SLC9A3: variants seen among roughly 807,000 people sequenced by gnomAD.
The protein encoded by SLC9A3 is solute carrier family 9 member A3.
A neutral mutation model predicts 86.8 loss-of-function variants in SLC9A3; 37 were observed. The ratio of observed to expected loss-of-function variants is 0.43; its 90% CI spans 0.33 to 0.56. The LOEUF (loss-of-function observed/expected upper bound fraction) is 0.56, where lower values mean the gene tolerates loss of function less well. Ranked by LOEUF, SLC9A3 falls within the 20% of genes least tolerant of loss-of-function variation. The pLI, the probability that SLC9A3 is intolerant of heterozygous loss-of-function variation, is 0.06. For missense variants in SLC9A3, 1,011 were observed against 1,171.9 expected (o/e 0.86, Z 2.00); for synonymous variants, 581 against 528.3 (o/e 1.10, Z -1.37).
intron 1 of SLC9A3, among the ~76,000 whole-genome samples, chr5:515,349 A>C (rs60425043): frequency 0.26 from 39,445 of 151,492 alleles, 5,298 homozygotes; most frequent in Middle Eastern, 0.29. Context: ...CGGTGCACAC[A>C]CGGGAACCCC....
rs1286939034 is a variant in SLC9A3, at chr5:476,286, C to A, written c.1983G>T (p.Leu661=). The change falls in exon 13 of 17, where the codon CTG becomes CTT. Residue 661 remains leucine, a synonymous_variant. Coordinates refer to ENST00000264938, the MANE Select transcript of SLC9A3 (RefSeq NM_004174.4). ...CCAGCTTGGTCGACTTGAAGGACTCCAGGCGCTTCCGCATGGTCCTGTGGA... is the reference window on the plus strand; with the variant it reads ...CCAGCTTGGTCGACTTGAAGGACTCAAGGCGCTTCCGCATGGTCCTGTGGA... ...EIFHRTMRKR[L]ESFKSTKLGL... The A allele has an allele frequency of 3.7e-6, 6 of 1,613,908 alleles. No individual in the cohort carries two copies. The South Asian group carries it at 5.5e-5, about 15-fold the overall frequency.
intron 14 of SLC9A3, 48 bp downstream of exon 14, chr5:475,972 G>A: frequency 6.7e-7 from 1 of 1,492,736 alleles, no homozygotes; most frequent in Non-Finnish European, 9.1e-7. Flanking sequence ...CTGGGGCTGG[G>A]AGGTGGTGGC....
intron 1 of SLC9A3, among the ~76,000 whole-genome samples, chr5:502,567 T>A (rs1459077107): frequency 6.6e-6 from 1 of 152,036 alleles, no homozygotes; most frequent in Non-Finnish European, 1.5e-5. Flanking sequence ...CCAGCTCAAA[T>A]CAGAGGAGAA....
chr5:486,047 G>A (rs770072387), intron 3 of SLC9A3, among the ~76,000 whole-genome samples: 4 of 152,204 alleles, frequency 2.6e-5, no homozygotes, highest in Non-Finnish European at 5.9e-5. Context: ...AAATTCCCCC[G>A]AGAATATCTT....
chr5:515,292 C>T (rs1733694145), intron 1 of SLC9A3, among the ~76,000 whole-genome samples: 1 of 152,178 alleles, frequency 6.6e-6, no homozygotes, highest in Admixed American at 6.5e-5. Context: ...CCCACAGCCC[C>T]TCCTGCTCTG....
intron 1 of SLC9A3, among the ~76,000 whole-genome samples, chr5:511,283 T>C (rs1454778103): frequency 1.3e-5 from 2 of 152,224 alleles, no homozygotes; most frequent in East Asian, 3.8e-4. Context: ...GGTTTGGTGA[T>C]GAATTTTTAG....
Position 473,035 on chromosome 5 carries a change from T to C in SLC9A3, c.*344A>G. 2.5e-6 allele frequency: 1 copy of C among 396,600 alleles called. No individual in the cohort carries two copies. The highest frequency in any genetic ancestry group is 4.5e-6 in the Non-Finnish European group (1 of 223,158). 24.6% of individuals were successfully genotyped at this position (396,600 alleles called of 1,614,324 possible). A position where few individuals can be genotyped will look rare whatever the true frequency, so the allele number is the denominator to read the frequency against. On this transcript the variant is annotated 3_prime_UTR_variant, in exon 17 of 17. Coordinates refer to ENST00000264938, the MANE Select transcript of SLC9A3 (RefSeq NM_004174.4). ...CACGAGGGCGGCAGCGACGCCAGCTTCAGCAGCGCGGGGCGGCGGCGCGCG... is the reference window on the plus strand; with the variant it reads ...CACGAGGGCGGCAGCGACGCCAGCTCCAGCAGCGCGGGGCGGCGGCGCGCG...
At chr5:500,036 G>A (rs532291632) in intron 1 of SLC9A3, among the ~76,000 whole-genome samples, 2 of 152,266 alleles carry the variant, frequency 1.3e-5, no homozygotes, top group Admixed American at 6.5e-5. Context: ...TGGCTGGGAC[G>A]CAACAGGCAG....
Position 482,507 on chromosome 5 carries a change from G to C in SLC9A3, c.1356+41C>G, listed in dbSNP as rs772884304. On this transcript the variant is annotated intron_variant, in intron 7 of 16. Transcript: ENST00000264938. ...AGTGCGGGCCCAGGCTCCCCTCGCG[G>C]GCGGGGCCGAGACCCCAGGGCTGGC... 4 of 1,528,824 alleles carry C rather than the reference G, an allele frequency of 2.6e-6. No individual in the cohort carries two copies. In the Admixed American group the frequency reaches 5.2e-5, roughly 20 times the overall value. The allele number at this position is 1,528,824 out of a possible 1,614,324, so 94.7% of individuals were successfully genotyped here.
At chr5:494,488 G>C (rs765152732) in intron 1 of SLC9A3, among the ~76,000 whole-genome samples, 4 of 152,238 alleles carry the variant, frequency 2.6e-5, no homozygotes, top group Admixed American at 2.0e-4. Flanking sequence ...TAAGGGCTCC[G>C]AGGCCTTTGG....
At chr5:518,801 C>T (rs554387584) in intron 1 of SLC9A3, among the ~76,000 whole-genome samples, 44 of 152,272 alleles carry the variant, frequency 2.9e-4, no homozygotes, top group Admixed American at 5.2e-4. Flanking sequence ...GCGCCACACA[C>T]GCCCAGAGGC....
Position 491,997 on chromosome 5 carries a change from C to A in SLC9A3, c.286G>T (p.Gly96Cys). The change falls in exon 2 of 17, where the codon GGC becomes TGC. Residue 96 changes from glycine to cysteine, a missense_variant. Around this residue, in one of 3 missense-constraint regions of SLC9A3, gnomAD observed 565 missense variants for 790.0 expected, o/e 0.72. Transcript: ENST00000264938. The surrounding 1 kb of genome is among the most constrained non-coding windows in gnomAD (Gnocchi z 9.2). ...ALLIVLGLVL[G>C]GIVWAADHIA... is the part of the protein sequence containing the mutation. The stretch of plus-strand genomic sequence containing the variant: ...TGGTCGGCCGCCCAGACGATGCCGC[C>A]CAGCACCAGGCCCAGCACGATGAGC... 1 of 1,600,050 alleles carries A rather than the reference C, an allele frequency of 6.2e-7. No homozygotes were observed. Among genetic ancestry groups the A allele is most frequent in the Non-Finnish European group, 8.5e-7 (1 of 1,173,854 alleles).
intron 2 of SLC9A3, among the ~76,000 whole-genome samples, chr5:489,094 A>C (rs1579789976): frequency 2.0e-5 from 3 of 152,266 alleles, no homozygotes; most frequent in Admixed American, 2.0e-4. Context: ...TATCCTTCAC[A>C]AGTCTTTGCC....
intron 1 of SLC9A3, among the ~76,000 whole-genome samples, chr5:501,748 C>T (rs1022535973): frequency 4.6e-5 from 7 of 152,256 alleles, no homozygotes; most frequent in African/African-American, 7.2e-5. Context: ...CGAGGAATCA[C>T]GGTAAATGTG....
In SLC9A3 at chr5:476,010, C is replaced by T. The variant is rs372212342; in HGVS notation, c.2140+10G>A. On this transcript the variant is annotated intron_variant, in intron 14 of 16. Transcript: ENST00000264938. ...CCAGTCCCAGCGTTCCTGCAGGGCC[C>T]CCAGCGCACCTTTCTCCTTGATGGT... is the stretch of plus-strand genomic sequence containing the variant. 6.2e-6 allele frequency: 10 copies of T among 1,604,470 alleles called. No homozygotes were observed. The highest frequency in any genetic ancestry group is 5.3e-5 in the African/African-American group (4 of 74,830).
chr5:477,051 T>C (rs1738789084), intron 11 of SLC9A3: 2 of 511,774 alleles, frequency 3.9e-6, no homozygotes, highest in Non-Finnish European at 3.5e-6. Flanking sequence ...AAGGGTGGCA[T>C]GGGGACCAGG....
chr5:476,331 C>T lies in SLC9A3; in HGVS notation c.1938G>A (p.Glu646=), dbSNP rs771749758. 1.2e-6 allele frequency: 2 copies of T among 1,613,850 alleles called. No individual in the cohort carries two copies. Among genetic ancestry groups the T allele is most frequent in the Non-Finnish European group, 8.5e-7 (1 of 1,180,028 alleles). Residue 646 remains glutamate, a synonymous_variant, in exon 13 of 17, where the codon GAG becomes GAA. Transcript: ENST00000264938. ...SRHELTPTED[E]KQDREIFHRT... Reference sequence around the variant, plus strand: ...TGTGGAAGATTTCCCGGTCCTGTTTCTCGTCCTCCGTGGGCGTGAGCTCGT... The same window carrying T: ...TGTGGAAGATTTCCCGGTCCTGTTTTTCGTCCTCCGTGGGCGTGAGCTCGT...
chr5:476,131 G>A (rs200249310), intron 13 of SLC9A3, 39 bp from the exon 14 acceptor site: 127 of 1,611,688 alleles, frequency 7.9e-5, no homozygotes, highest in Non-Finnish European at 1.0e-4. Context: ...CCCCGACACA[G>A]CCACACCCAG....
intron 2 of SLC9A3, among the ~76,000 whole-genome samples, chr5:490,936 G>A (rs922802055): frequency 6.6e-5 from 10 of 152,222 alleles, no homozygotes; most frequent in Non-Finnish European, 1.0e-4. Context: ...CCCAACCCGG[G>A]AGCTCCTCTT....
Sources: gnomAD v4.1 joint callset for allele counts (sites outside exome capture counted in the v4.1 genomes callset) on GRCh38, gnomAD v4.1.1 for gene constraint, gnomAD v4.1.1 regional missense constraint, Gnocchi (gnomAD v3.1) non-coding constraint, MANE v1.5 for transcripts, NCBI Gene and HGNC (gene_info 2026-07-23, HGNC 2026-07-21) for gene names.